The following PRKD3 variants were observed in gnomAD, a reference collection of about 807,000 sequenced individuals.
PRKD3 encodes the protein protein kinase D3.
Under a neutral mutation model 99.2 loss-of-function variants are expected in PRKD3, and 47 were observed. The ratio of observed to expected loss-of-function variants is 0.47; its 90% CI spans 0.38 to 0.60. The LOEUF (loss-of-function observed/expected upper bound fraction) is 0.60, where lower values mean the gene tolerates loss of function less well. Among genes scored for constraint, PRKD3 ranks in the 20% least tolerant of loss-of-function variants. The probability of loss-of-function intolerance (pLI) is 0.00; values close to 1 mark genes in which losing one functional copy is unlikely to be tolerated. For missense variants in PRKD3, 1,019 were observed against 1,088.4 expected (o/e 0.94, Z 0.90); for synonymous variants, 392 against 355.4 (o/e 1.10, Z -1.16).
chr2:37,276,805 CAT>C lies in PRKD3; in HGVS notation c.1297-963_1297-962del, dbSNP rs1028210046. Among the ~76,000 whole-genome samples the C allele has an allele frequency of 2.3e-4, 32 of 139,776 alleles. No individual in the cohort carries two copies. In the East Asian group the frequency reaches 5.0e-3, roughly 22 times the overall value. 91.7% of individuals were successfully genotyped at this position (139,776 alleles called of 152,430 possible). ...ATATATGTATATATACACACACACACATACACATATATATACATATATATTCA... is the reference window on the plus strand; with the variant it reads ...ATATATGTATATATACACACACACACACACATATATATACATATATATTCA... On this transcript the variant is annotated intron_variant, in intron 9 of 18. Coordinates refer to ENST00000234179, the MANE Select transcript of PRKD3 (RefSeq NM_005813.6).
intron 2 of PRKD3, among the ~76,000 whole-genome samples, chr2:37,307,672 G>A (rs978379869): frequency 6.6e-6 from 1 of 152,134 alleles, no homozygotes; most frequent in Non-Finnish European, 1.5e-5. Context: ...CATAAATGTT[G>A]GAAGGGTTTC....
At chr2:37,282,694 ATCAC>A in intron 6 of PRKD3, 75 bp from the exon 7 acceptor site, 5 of 1,006,486 alleles carry the variant, frequency 5.0e-6, no homozygotes, top group Non-Finnish European at 7.8e-6. Flanking sequence ...CTTTCTTTAA[ATCAC>A]TCACAAACAG....
Position 37,316,606 on chromosome 2 carries a change from G to C in PRKD3, c.-82C>G. ...AGGTTTTTAAAATAACAGCAGTAAA[G>C]AAAATGACCGCACTTTTGGATTTAG... On this transcript the variant is annotated 5_prime_UTR_variant, in exon 2 of 19. Coordinates refer to ENST00000234179, the MANE Select transcript of PRKD3 (RefSeq NM_005813.6). The C allele has an allele frequency of 6.6e-7, 1 of 1,519,818 alleles. No individual in the cohort carries two copies. The highest frequency in any genetic ancestry group is 8.8e-7 in the Non-Finnish European group (1 of 1,139,302). The allele number at this position is 1,519,818 out of a possible 1,614,324, so 94.1% of individuals were successfully genotyped here.
rs58356461 is a variant in PRKD3 at position 37,252,847 on chromosome 2, T to TTA, written c.*328_*329dup. ...AAAACAAACAAACATATATTTATATTTATATATATATATATAAAGAGAAAT... is the reference window on the plus strand; with the variant it reads ...AAAACAAACAAACATATATTTATATTTATATATATATATATATAAAGAGAAAT... On this transcript the variant is annotated 3_prime_UTR_variant, in exon 19 of 19. Transcript: ENST00000234179. The TTA allele has an allele frequency of 0.012, 1,755 of 145,002 alleles. 31 individuals are homozygous for TTA. Among genetic ancestry groups the TTA allele is most frequent in the African/African-American group, 0.039 (1,559 of 40,036 alleles). 9.0% of individuals were successfully genotyped at this position (145,002 alleles called of 1,614,324 possible).
rs145551093 is a variant in PRKD3 at position 37,313,392 on chromosome 2, A to T, written c.288+2845T>A. ...TAACCAGCAGTGGAGGTACTATGGA[A>T]TTATATAATGTAATTCAAAAGAAGG... On this transcript the variant is annotated intron_variant, in intron 2 of 18. Coordinates refer to ENST00000234179, the MANE Select transcript of PRKD3 (RefSeq NM_005813.6). Among the ~76,000 whole-genome samples the T allele has an allele frequency of 3.3e-3, 497 of 152,282 alleles. 3 individuals carry two copies. The highest frequency in any genetic ancestry group is 8.0e-3 in the Admixed American group (123 of 15,304).
chr2:37,306,563 C>G (rs1400469287), intron 2 of PRKD3, among the ~76,000 whole-genome samples: 2 of 152,194 alleles, frequency 1.3e-5, no homozygotes, highest in African/African-American at 2.4e-5. Context: ...AATCCCAGCA[C>G]TCTGGGAAGC....
At chr2:37,303,507 C>T (rs1398516872) in intron 2 of PRKD3, among the ~76,000 whole-genome samples, 1 of 151,970 alleles carries the variant, frequency 6.6e-6, no homozygotes, top group Admixed American at 6.6e-5. Flanking sequence ...GCACCACAAC[C>T]TAAGTGCCGC....
intron 2 of PRKD3, among the ~76,000 whole-genome samples, chr2:37,307,473 A>T (rs1016883594): frequency 2.0e-5 from 3 of 152,204 alleles, no homozygotes; most frequent in African/African-American, 7.2e-5. Context: ...GATGGGAAAG[A>T]ATACTGATGC....
intron 12 of PRKD3, among the ~76,000 whole-genome samples, chr2:37,270,642 T>C (rs949176788): frequency 2.6e-5 from 4 of 152,282 alleles, no homozygotes; most frequent in East Asian, 1.9e-4. Flanking sequence ...CCCACACTTA[T>C]AAAGACAAAG....
intron 1 of PRKD3, among the ~76,000 whole-genome samples, chr2:37,320,421 G>A (rs115751764): frequency 0.024 from 3,125 of 128,686 alleles, 54 homozygotes; most frequent in Middle Eastern, 0.048. Context: ...GCAAGTTAAC[G>A]ACTTTTTTTT....
intron 2 of PRKD3, 35 bp from the exon 3 acceptor site, chr2:37,293,306 A>G: frequency 6.7e-7 from 1 of 1,487,306 alleles, no homozygotes; most frequent in South Asian, 1.4e-5. Flanking sequence ...GTATGACCAC[A>G]GTTTTCTATT....
intron 2 of PRKD3, among the ~76,000 whole-genome samples, chr2:37,302,774 T>C (rs6750015): frequency 0.045 from 6,827 of 152,034 alleles, 167 homozygotes; most frequent in African/African-American, 0.052. Flanking sequence ...CTGGTCTCCA[T>C]CTCCTGAACT....
intron 2 of PRKD3, among the ~76,000 whole-genome samples, chr2:37,297,845 T>A (rs1015910083): frequency 6.6e-6 from 1 of 152,222 alleles, no homozygotes; most frequent in Non-Finnish European, 1.5e-5. Flanking sequence ...CTGATGTTGG[T>A]TGAGGTAGTG....
intron 7 of PRKD3, chr2:37,282,338 G>A (rs3821144): frequency 0.099 from 52,599 of 533,184 alleles, 4,505 homozygotes; most frequent in East Asian, 0.34. Flanking sequence ...CAAAGTAACA[G>A]GTGGCCAGAG....
chr2:37,252,845 A>ATT lies in PRKD3; in HGVS notation c.*330_*331dup, dbSNP rs1197869578. On this transcript the variant is annotated 3_prime_UTR_variant, in exon 19 of 19. Coordinates refer to ENST00000234179, the MANE Select transcript of PRKD3 (RefSeq NM_005813.6). The stretch of plus-strand genomic sequence containing the variant: ...AAAAAACAAACAAACATATATTTAT[A>ATT]TTTATATATATATATATAAAGAGAA... 2,323 of 100,404 alleles carry ATT rather than the reference A, an allele frequency of 0.023. 42 individuals carry two copies. The highest frequency in any genetic ancestry group is 0.058 in the African/African-American group (1,855 of 31,914). 6.2% of individuals were successfully genotyped at this position (100,404 alleles called of 1,614,324 possible).
chr2:37,251,582 A>T lies in PRKD3; in HGVS notation c.*1595T>A, dbSNP rs188154297. On this transcript the variant is annotated 3_prime_UTR_variant, in exon 19 of 19. Transcript: ENST00000234179. Reference sequence around the variant, plus strand: ...GGAGACTAGCTTCAGGGATGTCGAAAGGCCTTCTCAGTCTGTTCATGTACC... The same window carrying T: ...GGAGACTAGCTTCAGGGATGTCGAATGGCCTTCTCAGTCTGTTCATGTACC... 4.6e-5 allele frequency: 7 copies of T among 152,254 alleles called. No homozygotes were observed. Among genetic ancestry groups the T allele is most frequent in the Admixed American group, 3.9e-4 (6 of 15,246 alleles). 9.4% of individuals were successfully genotyped at this position (152,254 alleles called of 1,614,324 possible).
intron 2 of PRKD3, among the ~76,000 whole-genome samples, chr2:37,314,596 C>T (rs1470176407): frequency 6.6e-6 from 1 of 152,030 alleles, no homozygotes; most frequent in East Asian, 1.9e-4. Context: ...ACATACTGTA[C>T]TTAATAAATA....
At position 37,321,679 on chromosome 2, in the gene PRKD3, G is replaced by A. The variant is rs554256063; in HGVS notation, c.-656+3002C>T. 1.4e-4 allele frequency among the ~76,000 whole-genome samples: 22 copies of A among 152,286 alleles called. 1 individual carries two copies. The highest frequency in any genetic ancestry group is 6.2e-4 in the South Asian group (3 of 4,822). On this transcript the variant is annotated intron_variant, in intron 1 of 18. Coordinates refer to ENST00000234179, the MANE Select transcript of PRKD3 (RefSeq NM_005813.6). ...AATTCAAAGTGTGATGTGAGACACAGACATAACATTCATACAAACAGCTGG... is the reference window on the plus strand; with the variant it reads ...AATTCAAAGTGTGATGTGAGACACAAACATAACATTCATACAAACAGCTGG...
In PRKD3 at chr2:37,308,558, G is replaced by A. The variant is rs1000777063; in HGVS notation, c.288+7679C>T. On this transcript the variant is annotated intron_variant, in intron 2 of 18. Coordinates refer to ENST00000234179, the MANE Select transcript of PRKD3 (RefSeq NM_005813.6). ...CTCCCTCCCCACCCAGAGTTCAAGCGATTCTCCTGCCTCAGCCTCCCGAGT... is the reference window on the plus strand; with the variant it reads ...CTCCCTCCCCACCCAGAGTTCAAGCAATTCTCCTGCCTCAGCCTCCCGAGT... 5.8e-5 allele frequency among the ~76,000 whole-genome samples: 7 copies of A among 119,752 alleles called. No individual in the cohort carries two copies. The Admixed American group carries it at 7.7e-4, about 13-fold the overall frequency. The allele number at this position is 119,752 out of a possible 152,430, so 78.6% of individuals were successfully genotyped here. A position where few individuals can be genotyped will look rare whatever the true frequency, so the allele number is the denominator to read the frequency against.
Sources: allele counts gnomAD v4.1 joint callset (sites outside exome capture counted in the v4.1 genomes callset), GRCh38; gene constraint gnomAD v4.1.1; transcripts MANE v1.5; gene names NCBI Gene and HGNC (gene_info 2026-07-23, HGNC 2026-07-21).